SYT16: variants seen among roughly 807,000 people sequenced by gnomAD.
SYT16 encodes the protein synaptotagmin 16, also known as synaptotagmin-16.
A neutral mutation model predicts 61.4 loss-of-function variants in SYT16; 42 were observed. That is an observed-to-expected ratio of 0.68 (90% confidence interval 0.53 to 0.89). The LOEUF is 0.89. Ranked by LOEUF, SYT16 falls within the 40% of genes least tolerant of loss-of-function variation. The pLI, the probability that SYT16 is intolerant of heterozygous loss-of-function variation, is 0.00. For missense variants in SYT16, 804 were observed against 807.3 expected, an observed-to-expected ratio of 1.00 and a Z score of 0.05; for synonymous variants, 314 against 302.3, an observed-to-expected ratio of 1.04 and a Z score of -0.40.
intron 1 of SYT16, among the ~76,000 whole-genome samples, chr14:61,903,420 T>C (rs2048591627): frequency 6.6e-6 from 1 of 152,228 alleles, no homozygotes; most frequent in African/African-American, 2.4e-5. Context: ...CCTCATTAAA[T>C]GTATGTTAAA....
intron 1 of SYT16, among the ~76,000 whole-genome samples, chr14:61,900,816 A>C (rs1482871418): frequency 6.6e-6 from 1 of 152,202 alleles, no homozygotes; most frequent in Non-Finnish European, 1.5e-5. Context: ...CCACCACCTG[A>C]TCAGGGGAAG....
Position 61,858,943 on chromosome 14 carries a change from C to G in SYT16, c.-325+46133C>G, listed in dbSNP as rs188258994. Among the ~76,000 whole-genome samples, 1,070 of 151,620 alleles carry G rather than the reference C, an allele frequency of 7.1e-3. 5 individuals are homozygous for G. The highest frequency in any genetic ancestry group is 0.01 in the Non-Finnish European group (694 of 67,894). ...GATCTCGGCTCACTGCAACCTCCGCCTCCTGGGTTCACGCCATTCTCCTGC... is the reference window on the plus strand; with the variant it reads ...GATCTCGGCTCACTGCAACCTCCGCGTCCTGGGTTCACGCCATTCTCCTGC... On this transcript the variant is annotated intron_variant, in intron 1 of 7. Coordinates refer to ENST00000683842, the MANE Select transcript of SYT16 (RefSeq NM_001367656.1).
In SYT16 at chr14:62,110,429, T is replaced by C; in HGVS notation, c.*9722T>C. The stretch of plus-strand genomic sequence containing the variant: ...TGACAAGGTGATAGATGGAAAGACG[T>C]TTTGCAGAATTTTTGAAGACTTGCA... On this transcript the variant is annotated 3_prime_UTR_variant, in exon 8 of 8. Transcript: ENST00000683842. The C allele has an allele frequency of 6.6e-6, 1 of 152,130 alleles. No individual in the cohort carries two copies. 9.4% of individuals were successfully genotyped at this position (152,130 alleles called of 1,614,324 possible).
chr14:62,050,867 T>C (rs1411454590), intron 3 of SYT16, among the ~76,000 whole-genome samples: 1 of 152,116 alleles, frequency 6.6e-6, no homozygotes, highest in African/African-American at 2.4e-5. Flanking sequence ...CCATGTGAGG[T>C]GTCAGTCCGC....
Position 62,109,102 on chromosome 14 carries a change from T to C in SYT16, c.*8395T>C, listed in dbSNP as rs2057560209. On this transcript the variant is annotated 3_prime_UTR_variant, in exon 8 of 8. Transcript: ENST00000683842. ...TGTGTATTTTATGGGTTTTGACCAA[T>C]GCACAATGACGTGTGTCCACTATTG... 1 of 152,184 alleles carries C rather than the reference T, an allele frequency of 6.6e-6. No individual in the cohort carries two copies. Among genetic ancestry groups the C allele is most frequent in the African/African-American group, 2.4e-5 (1 of 41,456 alleles). The allele number at this position is 152,184 out of a possible 1,614,324, so 9.4% of individuals were successfully genotyped here.
At chr14:61,965,349 C>T (rs146996918) in intron 1 of SYT16, among the ~76,000 whole-genome samples, 2 of 152,264 alleles carry the variant, frequency 1.3e-5, no homozygotes, top group South Asian at 2.1e-4. Context: ...CTTCTTTAGA[C>T]TTCTCACTAA....
rs1367255672 is a variant in SYT16, at chr14:62,105,600, A to G, written c.*4893A>G. ...GATACTACTTTTTAAAATGGGTTTT[A>G]AGAGTGGCTTGTTGATATAATAGCG... On this transcript the variant is annotated 3_prime_UTR_variant, in exon 8 of 8. Transcript: ENST00000683842. 6.6e-6 allele frequency: 1 copy of G among 152,242 alleles called. No individual in the cohort carries two copies. The highest frequency in any genetic ancestry group is 2.4e-5 in the African/African-American group (1 of 41,456). 9.4% of individuals were successfully genotyped at this position (152,242 alleles called of 1,614,324 possible). A position where few individuals can be genotyped will look rare whatever the true frequency, so the allele number is the denominator to read the frequency against.
chr14:62,063,674 A>G (rs1394460028), intron 3 of SYT16, among the ~76,000 whole-genome samples: 1 of 152,204 alleles, frequency 6.6e-6, no homozygotes. Context: ...GAAGATAAAG[A>G]TGGAATTTCC....
intron 1 of SYT16, among the ~76,000 whole-genome samples, chr14:61,952,710 A>G (rs1278387058): frequency 6.6e-6 from 1 of 152,190 alleles, no homozygotes; most frequent in Non-Finnish European, 1.5e-5. Context: ...TAGTGACTCC[A>G]TATGTTGCTA....
At chr14:61,971,711 G>A (rs1207830555) in intron 2 of SYT16, among the ~76,000 whole-genome samples, 4 of 152,236 alleles carry the variant, frequency 2.6e-5, no homozygotes, top group Non-Finnish European at 5.9e-5. Flanking sequence ...ATCTCTGTGA[G>A]ATAATAATAA....
chr14:61,891,997 G>C (rs544261595), intron 1 of SYT16, among the ~76,000 whole-genome samples: 1 of 152,186 alleles, frequency 6.6e-6, no homozygotes, highest in South Asian at 2.1e-4. Flanking sequence ...CTCATCCAGG[G>C]GCGAGGCTGA....
intron 1 of SYT16, among the ~76,000 whole-genome samples, chr14:61,840,285 A>G (rs903573082): frequency 2.6e-5 from 4 of 152,208 alleles, no homozygotes; most frequent in African/African-American, 9.7e-5. Flanking sequence ...GCTATTGGAA[A>G]TACGAGTCTA....
intron 1 of SYT16, among the ~76,000 whole-genome samples, chr14:61,886,880 C>CTTTTTTTTTTTTTTTTTTTTTTTTTTTTT (rs371140698): frequency 9.0e-6 from 1 of 110,832 alleles, no homozygotes; most frequent in Non-Finnish European, 1.8e-5. Flanking sequence ...TTTTTTTTGT[C>CTTTTTTTTTTTTTTTTTTTTTTTTTTTTT]TTTTTTTTTT....
intron 1 of SYT16, among the ~76,000 whole-genome samples, chr14:61,814,671 T>A (rs2045372297): frequency 6.6e-6 from 1 of 152,214 alleles, no homozygotes; most frequent in African/African-American, 2.4e-5. Flanking sequence ...ACCAGTTTTT[T>A]AGGCTCAATC....
At chr14:62,078,184 C>A (rs1257285248) in intron 5 of SYT16, among the ~76,000 whole-genome samples, 1 of 150,964 alleles carries the variant, frequency 6.6e-6, no homozygotes, top group African/African-American at 2.5e-5. Flanking sequence ...CACACACACA[C>A]ACACACACAC....
At chr14:62,088,003 T>C (rs2056945002) in intron 7 of SYT16, among the ~76,000 whole-genome samples, 1 of 152,192 alleles carries the variant, frequency 6.6e-6, no homozygotes. Context: ...ATGTGGAGAA[T>C]ACATTCTTGG....
chr14:61,927,155 G>C (rs547625642), intron 1 of SYT16, among the ~76,000 whole-genome samples: 33 of 152,312 alleles, frequency 2.2e-4, no homozygotes, highest in Non-Finnish European at 4.3e-4. Context: ...TGCAAAAGCA[G>C]TGATTTTTAG....
intron 1 of SYT16, among the ~76,000 whole-genome samples, chr14:61,826,005 C>T (rs2045760179): frequency 6.6e-6 from 1 of 152,176 alleles, no homozygotes; most frequent in African/African-American, 2.4e-5. Context: ...TTTCATAGTG[C>T]ATCATTTATT....
At chr14:61,851,426 AGTAAT>A (rs1340813460) in intron 1 of SYT16, among the ~76,000 whole-genome samples, 1 of 152,204 alleles carries the variant, frequency 6.6e-6, no homozygotes, top group Non-Finnish European at 1.5e-5. Context: ...GTGTATACCA[AGTAAT>A]GGGATTGCTG....
Sources: allele counts gnomAD v4.1 joint callset (sites outside exome capture counted in the v4.1 genomes callset), GRCh38; gene constraint gnomAD v4.1.1; transcripts MANE v1.5; gene names NCBI Gene and HGNC (gene_info 2026-07-23, HGNC 2026-07-21).